The following TFDP1 variants were observed in gnomAD, a reference collection of about 807,000 sequenced individuals.
The protein encoded by TFDP1 is DRTF1-polypeptide 1.
TFDP1 carries 6 observed loss-of-function variants against 48.0 expected under a neutral mutation model. The ratio of observed to expected loss-of-function variants is 0.13; its 90% CI spans 0.07 to 0.25. The LOEUF is 0.25. TFDP1 is among the 10% of genes least tolerant of loss of function. The pLI is 1.00. For synonymous variants in TFDP1, 201 were observed against 211.6 expected (o/e 0.95, Z 0.44); for missense variants, 335 against 543.0 (o/e 0.62, Z 3.81).
intron 2 of TFDP1, among the ~76,000 whole-genome samples, chr13:113,604,533 T>G (rs1182761688): frequency 6.6e-6 from 1 of 152,178 alleles, no homozygotes; most frequent in Non-Finnish European, 1.5e-5. Flanking sequence ...AGATGGGAGC[T>G]GGCCCCTGGC....
At chr13:113,632,667 A>G (rs2049368095) in intron 5 of TFDP1, among the ~76,000 whole-genome samples, 1 of 152,200 alleles carries the variant, frequency 6.6e-6, no homozygotes, top group South Asian at 2.1e-4. Context: ...AATCCCAGCT[A>G]CTCGGGAGGC....
chr13:113,599,940 A>C (rs536405371), intron 2 of TFDP1, among the ~76,000 whole-genome samples: 1 of 151,314 alleles, frequency 6.6e-6, no homozygotes, highest in Non-Finnish European at 1.5e-5. Flanking sequence ...GAGAGAACCC[A>C]GGACTGTGAT....
In TFDP1 at chr13:113,598,302, G is replaced by A. The variant is rs1409493920; in HGVS notation, c.12+12453G>A. Among the ~76,000 whole-genome samples, 1 of 152,198 alleles carries A rather than the reference G, an allele frequency of 6.6e-6. No individual in the cohort carries two copies. Among genetic ancestry groups the A allele is most frequent in the African/African-American group, 2.4e-5 (1 of 41,450 alleles). ...ATGTATGGGTTTTCCAGGCAGTTTT[G>A]CATTTGTGCCTGTTGTAGACTAGAG... On this transcript the variant is annotated intron_variant, in intron 2 of 11. Transcript: ENST00000375370. The surrounding 1 kb of genome is among the most constrained non-coding windows in gnomAD (Gnocchi z 4.2).
chr13:113,625,695 T>C (rs1464465030), intron 4 of TFDP1, among the ~76,000 whole-genome samples: 11 of 108,202 alleles, frequency 1.0e-4, no homozygotes, highest in Non-Finnish European at 1.4e-4. Flanking sequence ...TGTCCTCAGG[T>C]GTCTCTCAGG....
chr13:113,613,903 T>G (rs1276836637), intron 3 of TFDP1, among the ~76,000 whole-genome samples: 1 of 147,552 alleles, frequency 6.8e-6, no homozygotes, highest in Non-Finnish European at 1.5e-5. Flanking sequence ...ACCTGTGAGT[T>G]TGCGTGTGTG....
chr13:113,625,072 G>A (rs199927503), intron 4 of TFDP1, among the ~76,000 whole-genome samples: 7 of 97,688 alleles, frequency 7.2e-5, no homozygotes, highest in South Asian at 3.7e-4. Flanking sequence ...TGTCTCTCAC[G>A]TGTCCTCAGG....
At chr13:113,634,768 T>C (rs2049429954) in intron 8 of TFDP1, among the ~76,000 whole-genome samples, 166 bp downstream of exon 8, 1 of 151,750 alleles carries the variant, frequency 6.6e-6, no homozygotes, top group Non-Finnish European at 1.5e-5. Flanking sequence ...TGGGCCTTAT[T>C]CCCAGAGCGA....
At chr13:113,625,245 C>G (rs1160151299) in intron 4 of TFDP1, among the ~76,000 whole-genome samples, 1 of 109,272 alleles carries the variant, frequency 9.2e-6, no homozygotes. Flanking sequence ...CCCCAGGTGT[C>G]TCTCAGGGTA....
chr13:113,629,513 C>T (rs942054313), intron 4 of TFDP1, among the ~76,000 whole-genome samples: 12 of 152,146 alleles, frequency 7.9e-5, no homozygotes, highest in African/African-American at 2.7e-4. Flanking sequence ...ACTGCCCATA[C>T]GACCGTCCTA....
At chr13:113,609,382 GA>G (rs1426086401) in intron 2 of TFDP1, among the ~76,000 whole-genome samples, 1 of 151,894 alleles carries the variant, frequency 6.6e-6, no homozygotes, top group African/African-American at 2.4e-5. Context: ...GTGCCTGCTG[GA>G]CAGCTAGACT....
intron 5 of TFDP1, chr13:113,632,026 G>A: frequency 2.4e-6 from 1 of 424,560 alleles, no homozygotes; most frequent in East Asian, 4.3e-5. Context: ...GCCAAGACGG[G>A]GAGAAGCTGG....
rs1465867685 is a variant in TFDP1 at position 113,598,553 on chromosome 13, C to T, written c.13-12443C>T. On this transcript the variant is annotated intron_variant, in intron 2 of 11. Coordinates refer to ENST00000375370, the MANE Select transcript of TFDP1 (RefSeq NM_007111.5). This position sits in a 1 kb window ranked among gnomAD's most constrained non-coding sequence, Gnocchi z 4.2. Reference sequence around the variant, plus strand: ...TGGTGCCCCCGAAGCACAGCCCCACCTCCCTAACCTGCCCTCCTGTGACTC... The same window carrying T: ...TGGTGCCCCCGAAGCACAGCCCCACTTCCCTAACCTGCCCTCCTGTGACTC... Among the ~76,000 whole-genome samples, 1 of 152,204 alleles carries T rather than the reference C, an allele frequency of 6.6e-6. No individual in the cohort carries two copies. The highest frequency in any genetic ancestry group is 1.5e-5 in the Non-Finnish European group (1 of 68,044).
rs1566640097 is a variant in TFDP1 at position 113,598,395 on chromosome 13, T to G, written c.12+12546T>G. 6.6e-6 allele frequency among the ~76,000 whole-genome samples: 1 copy of G among 152,118 alleles called. No individual in the cohort carries two copies. On this transcript the variant is annotated intron_variant, in intron 2 of 11. Transcript: ENST00000375370. The surrounding 1 kb of genome is among the most constrained non-coding windows in gnomAD (Gnocchi z 4.2). ...GGTGGCTGAAAGTCTCATTATAGAT[T>G]ATATAGATTAGAGCAGCCTCTCCTG...
rs767913854 is a variant in TFDP1 at position 113,633,201 on chromosome 13, A to G, written c.390A>G (p.Lys130=). The change falls in exon 6 of 12, where the codon AAA becomes AAG. Residue 130 remains lysine, a synonymous_variant. Transcript: ENST00000375370. This position sits in a 1 kb window ranked among gnomAD's most constrained non-coding sequence, Gnocchi z 4.5. Reference sequence around the variant, plus strand: ...AGGTCTGCGAGAAGGTGCAGAGGAAAGGGACCACTTCCTACAACGAAGTGG... The same window carrying G: ...AGGTCTGCGAGAAGGTGCAGAGGAAGGGGACCACTTCCTACAACGAAGTGG... The part of the protein sequence containing the change: ...SMKVCEKVQR[K]GTTSYNEVAD... 6.2e-7 allele frequency: 1 copy of G among 1,614,120 alleles called. No homozygotes were observed. Among genetic ancestry groups the G allele is most frequent in the South Asian group, 1.1e-5 (1 of 91,076 alleles).
At chr13:113,638,237 C>T (rs1385241653) in intron 11 of TFDP1, among the ~76,000 whole-genome samples, 1 of 152,088 alleles carries the variant, frequency 6.6e-6, no homozygotes, top group Admixed American at 6.5e-5. Context: ...TTTTTCAGAA[C>T]GCGTCTGCGG....
At chr13:113,617,170 C>T (rs1023939107) in intron 3 of TFDP1, among the ~76,000 whole-genome samples, 1 of 152,190 alleles carries the variant, frequency 6.6e-6, no homozygotes, top group African/African-American at 2.4e-5. Flanking sequence ...GTGATTTGTG[C>T]AACGGAGGCC....
chr13:113,605,782 A>G (rs573700110), intron 2 of TFDP1, among the ~76,000 whole-genome samples: 1 of 152,366 alleles, frequency 6.6e-6, no homozygotes, highest in South Asian at 2.1e-4. Flanking sequence ...AAGTCAGTTC[A>G]GGGAGGAGAA....
intron 2 of TFDP1, among the ~76,000 whole-genome samples, chr13:113,596,447 G>C (rs75272592): frequency 6.6e-6 from 1 of 152,082 alleles, no homozygotes; most frequent in South Asian, 2.1e-4. Context: ...GTGTCATCCC[G>C]GTAGCCCGAG....
At chr13:113,599,158 G>A (rs2048351644) in intron 2 of TFDP1, among the ~76,000 whole-genome samples, 2 of 151,702 alleles carry the variant, frequency 1.3e-5, no homozygotes, top group South Asian at 4.2e-4. Context: ...TTACTCAACA[G>A]TTTGTCCTAG....
Sources: allele counts gnomAD v4.1 joint callset (sites outside exome capture counted in the v4.1 genomes callset), GRCh38; gene constraint gnomAD v4.1.1; non-coding constraint Gnocchi (gnomAD v3.1); transcripts MANE v1.5; gene names NCBI Gene and HGNC (gene_info 2026-07-23, HGNC 2026-07-21).